Variants in CNKSR2 observed in about 807,000 individuals in gnomAD.
CNKSR2 encodes connector enhancer of kinase suppressor of Ras 2.
A neutral mutation model predicts 84.4 loss-of-function variants in CNKSR2; 14 were observed. The observed-to-expected ratio is 0.17, with a 90% CI of 0.11 to 0.26. CNKSR2 has a LOEUF of 0.26. CNKSR2 is among the 10% of genes least tolerant of loss of function. The pLI is 1.00. For missense variants in CNKSR2, 485 were observed against 771.2 expected (o/e 0.63, Z 4.40); for synonymous variants, 275 against 277.9 (o/e 0.99, Z 0.10).
chrX:21,547,315 A>G (rs865856503), intron 11 of CNKSR2, among the ~76,000 whole-genome samples: 6 of 111,736 alleles, frequency 5.4e-5, no homozygotes, highest in African/African-American at 2.0e-4. Context: ...TTAAAGCAAC[A>G]AAGATCAAAA....
chrX:21,517,826 A>G (rs1207394051), intron 9 of CNKSR2, among the ~76,000 whole-genome samples: 1 of 111,594 alleles, frequency 9.0e-6, no homozygotes, highest in African/African-American at 3.2e-5. Flanking sequence ...GTAAATTGTT[A>G]TTAAGCTCTA....
At chrX:21,408,762 T>A (rs2090298765) in intron 1 of CNKSR2, among the ~76,000 whole-genome samples, 1 of 111,040 alleles carries the variant, frequency 9.0e-6, no homozygotes, top group South Asian at 3.8e-4. Context: ...CATGTTAGTT[T>A]TTTTTTAATT....
intron 5 of CNKSR2, among the ~76,000 whole-genome samples, chrX:21,480,381 T>C (rs758675020): frequency 6.2e-5 from 7 of 112,377 alleles, no homozygotes; most frequent in Non-Finnish European, 1.1e-4. Flanking sequence ...TGCTTCACTC[T>C]TGCTATTTGA....
chrX:21,620,256 A>G (rs59704635), intron 20 of CNKSR2, among the ~76,000 whole-genome samples: 3,516 of 110,086 alleles, frequency 0.032, 136 homozygotes, highest in African/African-American at 0.11. Context: ...ATGGTAAATC[A>G]CTGATTTACT....
chrX:21,504,780 T>A (rs2147073066), intron 8 of CNKSR2: 1 of 294,398 alleles, frequency 3.4e-6, no homozygotes, highest in South Asian at 2.1e-4. Context: ...CTATATTCTC[T>A]GTTATAAGTG....
chrX:21,507,538 T>G (rs2091625575), intron 8 of CNKSR2, among the ~76,000 whole-genome samples: 1 of 111,243 alleles, frequency 9.0e-6, no homozygotes, highest in Non-Finnish European at 1.9e-5. Flanking sequence ...TAATAAAGAT[T>G]TAGGATGATA....
At chrX:21,465,830 A>G (rs1224562382) in intron 4 of CNKSR2, among the ~76,000 whole-genome samples, 1 of 111,671 alleles carries the variant, frequency 9.0e-6, no homozygotes, top group African/African-American at 3.3e-5. Flanking sequence ...TTGACAAAGT[A>G]TGGAGCATCA....
At chrX:21,412,318 T>A (rs2090356283) in intron 1 of CNKSR2, among the ~76,000 whole-genome samples, 1 of 112,094 alleles carries the variant, frequency 8.9e-6, no homozygotes, top group South Asian at 3.7e-4. Flanking sequence ...GAAGATAGTT[T>A]CTCCTGGCAC....
intron 13 of CNKSR2, among the ~76,000 whole-genome samples, chrX:21,581,665 T>C (rs1185712295): frequency 8.9e-6 from 1 of 111,866 alleles, no homozygotes; most frequent in African/African-American, 3.3e-5. Flanking sequence ...AGATTGCATA[T>C]GAGAAGCCAT....
chrX:21,507,543 A>G (rs2091625619), intron 8 of CNKSR2, among the ~76,000 whole-genome samples: 1 of 111,296 alleles, frequency 9.0e-6, no homozygotes, highest in African/African-American at 3.3e-5. Flanking sequence ...AAGATTTAGG[A>G]TGATACTTTT....
intron 17 of CNKSR2, among the ~76,000 whole-genome samples, chrX:21,599,451 C>T (rs748111020): frequency 1.5e-4 from 16 of 107,687 alleles, no homozygotes; most frequent in African/African-American, 4.8e-4. Context: ...CTGCAACTTC[C>T]GCCTCCCAAT....
At position 21,531,899 on chromosome X, in the gene CNKSR2, A is replaced by T; in HGVS notation, c.1135A>T (p.Met379Leu). Reference protein sequence around the residue: ...NLPCEDLRGHMVGKPVHKGSE... With the variant: ...NLPCEDLRGHLVGKPVHKGSE... ...TCCTTGTGAAGACCTCAGAGGACAT[A>T]TGGTGGGCAAGCCAGTGCATAAGGG... The change falls in exon 11 of 22, where the codon ATG becomes TTG. Residue 379 changes from methionine to leucine, a missense_variant. Around this residue, in one of 5 missense-constraint regions of CNKSR2, gnomAD observed 132 missense variants for 166.7 expected, o/e 0.79. Coordinates refer to ENST00000379510, the MANE Select transcript of CNKSR2 (RefSeq NM_014927.5). 1 of 1,207,528 alleles carries T rather than the reference A, an allele frequency of 8.3e-7. No homozygotes were observed. The highest frequency in any genetic ancestry group is 1.1e-6 in the Non-Finnish European group (1 of 892,400).
In CNKSR2 at chrX:21,594,949, C is replaced by T. The variant is rs1457278838; in HGVS notation, c.1831-25C>T. On this transcript the variant is annotated intron_variant, in intron 15 of 21. Coordinates refer to ENST00000379510, the MANE Select transcript of CNKSR2 (RefSeq NM_014927.5). ...CCTTCACACCTTTGTATATAATAAA[C>T]TAACCAAGAGTCTTGGCTCTTCAGG... 4.3e-6 allele frequency: 5 copies of T among 1,158,033 alleles called. No homozygotes were observed. The East Asian group carries it at 1.5e-4, about 35-fold the overall frequency.
intron 1 of CNKSR2, among the ~76,000 whole-genome samples, chrX:21,398,067 G>A (rs896898528): frequency 5.4e-5 from 6 of 111,281 alleles, no homozygotes; most frequent in African/African-American, 2.0e-4. Context: ...CGACATCCTA[G>A]TGTTATAAAG....
At chrX:21,547,117 A>C (rs1441728623) in intron 11 of CNKSR2, among the ~76,000 whole-genome samples, 1 of 111,884 alleles carries the variant, frequency 8.9e-6, no homozygotes, top group East Asian at 2.8e-4. Flanking sequence ...TGCCCCAATT[A>C]AAAGACACAG....
At chrX:21,441,548 G>T (rs1393361600) in intron 4 of CNKSR2, 1 of 111,818 alleles carries the variant, frequency 8.9e-6, no homozygotes, top group Non-Finnish European at 1.9e-5. Flanking sequence ...GTACATTGAA[G>T]AAATACCTCT....
intron 9 of CNKSR2, among the ~76,000 whole-genome samples, chrX:21,520,710 A>G (rs2091774517): frequency 9.3e-6 from 1 of 108,079 alleles, no homozygotes; most frequent in Admixed American, 9.9e-5. Flanking sequence ...TTTGGTGAGA[A>G]TGCATCTCAG....
At chrX:21,518,461 C>A (rs1489352438) in intron 9 of CNKSR2, among the ~76,000 whole-genome samples, 2 of 111,832 alleles carry the variant, frequency 1.8e-5, no homozygotes, top group Non-Finnish European at 3.8e-5. Context: ...ATCTCTAGCA[C>A]ATGCTTTTAT....
intron 4 of CNKSR2, among the ~76,000 whole-genome samples, chrX:21,452,565 T>C (rs2090947664): frequency 9.0e-6 from 1 of 111,044 alleles, no homozygotes; most frequent in Admixed American, 9.7e-5. Flanking sequence ...ACACACTCAT[T>C]CAATTATTGG....
Sources: allele counts gnomAD v4.1 joint callset (sites outside exome capture counted in the v4.1 genomes callset), GRCh38; gene constraint gnomAD v4.1.1; regional missense constraint gnomAD v4.1.1; transcripts MANE v1.5; gene names NCBI Gene and HGNC (gene_info 2026-07-23, HGNC 2026-07-21).